The following GPC3 variants were observed in gnomAD, a reference collection of about 807,000 sequenced individuals.
GPC3 encodes the protein glypican 3.
A neutral mutation model predicts 34.4 loss-of-function variants in GPC3; 3 were observed. That is an observed-to-expected ratio of 0.09 (90% CI 0.04 to 0.23). The LOEUF (loss-of-function observed/expected upper bound fraction) is 0.23, where lower values mean the gene tolerates loss of function less well. GPC3 is among the 10% of genes least tolerant of loss of function. The pLI, the probability that GPC3 is intolerant of heterozygous loss-of-function variation, is 1.00. For missense variants in GPC3, 351 were observed against 445.6 expected (o/e 0.79, Z 1.91); for synonymous variants, 177 against 174.0 (o/e 1.02, Z -0.13).
chrX:133,957,656 T>C (rs1602561452), intron 1 of GPC3, among the ~76,000 whole-genome samples: 1 of 111,696 alleles, frequency 9.0e-6, no homozygotes, highest in East Asian at 2.8e-4. Flanking sequence ...CGTACTTGCA[T>C]GAATAAAAGC....
At chrX:133,764,091 T>C (rs1258578176) in intron 2 of GPC3, among the ~76,000 whole-genome samples, 1 of 112,079 alleles carries the variant, frequency 8.9e-6, no homozygotes, top group Admixed American at 9.5e-5. Context: ...TACACAGCCA[T>C]AGAAAAGAAT....
chrX:133,562,538 C>T (rs1268013581), intron 7 of GPC3, among the ~76,000 whole-genome samples: 1 of 110,336 alleles, frequency 9.1e-6, no homozygotes, highest in East Asian at 2.8e-4. Flanking sequence ...GGCTGAGGTA[C>T]GAGAATTGCT....
At chrX:133,668,607 T>A (rs192750749) in intron 5 of GPC3, among the ~76,000 whole-genome samples, 12 of 110,605 alleles carry the variant, frequency 1.1e-4, no homozygotes, top group African/African-American at 4.0e-4. Context: ...TAGCTGTCAG[T>A]TACTGAGTGC....
intron 5 of GPC3, among the ~76,000 whole-genome samples, chrX:133,673,398 T>G (rs758861633): frequency 8.9e-6 from 1 of 112,362 alleles, no homozygotes; most frequent in South Asian, 3.7e-4. Context: ...TCACTGCTAG[T>G]GAGACAGGAA....
chrX:133,885,166 A>G (rs963013094), intron 2 of GPC3, among the ~76,000 whole-genome samples: 1 of 112,019 alleles, frequency 8.9e-6, no homozygotes, highest in African/African-American at 3.2e-5. Flanking sequence ...ACTATTGGTC[A>G]GCTACTTTCT....
At chrX:133,772,105 C>T (rs898144196) in intron 2 of GPC3, among the ~76,000 whole-genome samples, 15 of 111,105 alleles carry the variant, frequency 1.4e-4, no homozygotes, top group African/African-American at 4.3e-4. Flanking sequence ...TCAAAGAACG[C>T]CAGGTAGAAG....
intron 2 of GPC3, among the ~76,000 whole-genome samples, chrX:133,944,379 A>G (rs1304781493): frequency 4.5e-5 from 5 of 112,119 alleles, no homozygotes; most frequent in African/African-American, 1.6e-4. Flanking sequence ...ACTCTGACCA[A>G]AGGAGAGGAG....
intron 2 of GPC3, among the ~76,000 whole-genome samples, chrX:133,778,399 C>T (rs2084415090): frequency 8.9e-6 from 1 of 111,953 alleles, no homozygotes; most frequent in Non-Finnish European, 1.9e-5. Context: ...TTGTTACTTA[C>T]ATGTAACCAT....
At chrX:133,907,410 A>G (rs1379029576) in intron 2 of GPC3, among the ~76,000 whole-genome samples, 1 of 111,183 alleles carries the variant, frequency 9.0e-6, no homozygotes, top group Admixed American at 9.6e-5. Context: ...ATTTGTCTTC[A>G]ATATAAAATC....
At chrX:133,558,903 GTAAATAAATAAATAAATAAATAAATAAA>G (rs755481125) in intron 7 of GPC3, among the ~76,000 whole-genome samples, 45 of 102,604 alleles carry the variant, frequency 4.4e-4, no homozygotes, top group African/African-American at 1.6e-3. Context: ...AAATAAGTAA[GTAAATAAATAAATAAATAAATAAATAAA>G]TAAATAAATA....
chrX:133,569,584 C>T (rs996309862), intron 7 of GPC3, among the ~76,000 whole-genome samples: 2 of 112,292 alleles, frequency 1.8e-5, no homozygotes, highest in East Asian at 5.6e-4. Flanking sequence ...AAGCATCATT[C>T]CATAAATTCT....
Position 133,753,636 on chromosome X carries a change from T to C in GPC3, c.878A>G (p.Asp293Gly), listed in dbSNP as rs771376262. The change falls in exon 3 of 8, where the codon GAC (aspartate) becomes GGC (glycine). Residue 293 changes from aspartate (D) to glycine (G), a missense_variant. Coordinates refer to ENST00000370818, the MANE Select transcript of GPC3 (RefSeq NM_004484.4). The part of the protein sequence containing the change: ...QGCMAGVVEI[D>G]KYWREYILSL... Reference sequence around the variant, plus strand: ...CAGAATGTATTCTCTCCAGTACTTGTCAATCTCCACCACACCTGCCATACA... The same window carrying C: ...CAGAATGTATTCTCTCCAGTACTTGCCAATCTCCACCACACCTGCCATACA... 8.3e-7 allele frequency: 1 copy of C among 1,211,431 alleles called. No individual in the cohort carries two copies. The highest frequency in any genetic ancestry group is 1.1e-6 in the Non-Finnish European group (1 of 895,035).
intron 2 of GPC3, among the ~76,000 whole-genome samples, chrX:133,770,121 C>A (rs1320340869): frequency 8.9e-6 from 1 of 111,777 alleles, no homozygotes; most frequent in East Asian, 2.8e-4. Context: ...TACAAAACAT[C>A]AAAAAATTAG....
chrX:133,660,873 T>C (rs2070709581), intron 6 of GPC3, among the ~76,000 whole-genome samples: 1 of 111,770 alleles, frequency 8.9e-6, no homozygotes, highest in Non-Finnish European at 1.9e-5. Context: ...ATAATTAATA[T>C]AAAGATTTGT....
intron 1 of GPC3, among the ~76,000 whole-genome samples, chrX:133,956,031 C>A (rs1391328627): frequency 9.0e-6 from 1 of 111,573 alleles, no homozygotes; most frequent in African/African-American, 3.3e-5. Flanking sequence ...CATGACATCA[C>A]TGCTGGGGTC....
At chrX:133,825,242 T>G (rs1025069312) in intron 2 of GPC3, among the ~76,000 whole-genome samples, 5 of 111,928 alleles carry the variant, frequency 4.5e-5, no homozygotes, top group African/African-American at 1.6e-4. Flanking sequence ...GCTGAATCTT[T>G]GTAAGAATAG....
chrX:133,766,904 G>A (rs376775179), intron 2 of GPC3, among the ~76,000 whole-genome samples: 4 of 112,213 alleles, frequency 3.6e-5, no homozygotes, highest in South Asian at 7.4e-4. Context: ...TGTTTCAAGC[G>A]TTTTATGTGA....
intron 2 of GPC3, among the ~76,000 whole-genome samples, chrX:133,808,033 G>C (rs2075645318): frequency 1.8e-5 from 2 of 112,451 alleles, no homozygotes; most frequent in Non-Finnish European, 3.7e-5. Context: ...ATGCATTTCT[G>C]CTGGACCAAA....
chrX:133,842,337 A>T (rs1200943447), intron 2 of GPC3, among the ~76,000 whole-genome samples: 1 of 104,981 alleles, frequency 9.5e-6, no homozygotes, highest in Non-Finnish European at 1.9e-5. Flanking sequence ...AATAATAATA[A>T]TTAAATTTTT....
Sources: allele counts gnomAD v4.1 joint callset (sites outside exome capture counted in the v4.1 genomes callset), GRCh38; gene constraint gnomAD v4.1.1; transcripts MANE v1.5; gene names NCBI Gene and HGNC (gene_info 2026-07-23, HGNC 2026-07-21).